HHIPL2: variants seen among roughly 807,000 people sequenced by gnomAD.
The protein encoded by HHIPL2 is HHIP-like protein 2.
HHIPL2 carries 61 observed loss-of-function variants against 61.0 expected under a neutral mutation model. The ratio of observed to expected loss-of-function variants is 1.00; its 90% confidence interval spans 0.81 to 1.24. The LOEUF (loss-of-function observed/expected upper bound fraction) is 1.24. HHIPL2 is among the 50% of genes most tolerant of loss of function. The pLI is 0.00. For missense variants in HHIPL2, 885 were observed against 910.2 expected (o/e 0.97, Z 0.36); for synonymous variants, 343 against 357.4 (o/e 0.96, Z 0.45).
At chr1:222,532,856 A>AC (rs397863900) in intron 5 of HHIPL2, among the ~76,000 whole-genome samples, 2 of 151,680 alleles carry the variant, frequency 1.3e-5, no homozygotes, top group African/African-American at 4.9e-5. Flanking sequence ...GGTTAAAAAA[A>AC]CTACTAACTG....
At chr1:222,546,177 C>T (rs1453402453) in intron 1 of HHIPL2, among the ~76,000 whole-genome samples, 1 of 152,198 alleles carries the variant, frequency 6.6e-6, no homozygotes, top group Non-Finnish European at 1.5e-5. Context: ...GTCTCTCTTC[C>T]AATGGAGCAT....
chr1:222,533,223 G>T (rs34130633), intron 5 of HHIPL2, among the ~76,000 whole-genome samples: 1 of 151,712 alleles, frequency 6.6e-6, no homozygotes, highest in South Asian at 2.1e-4. Flanking sequence ...AAATTAGCTG[G>T]GCGTGGTGTT....
At chr1:222,527,967 C>T (rs1328681061) in intron 6 of HHIPL2, among the ~76,000 whole-genome samples, 1 of 152,162 alleles carries the variant, frequency 6.6e-6, no homozygotes, top group Admixed American at 6.5e-5. Context: ...CAGTCTCAGT[C>T]TCAGGTATGT....
At chr1:222,523,772 A>T (rs574874426) in intron 7 of HHIPL2, 78 bp from the exon 8 acceptor site, 1 of 1,383,236 alleles carries the variant, frequency 7.2e-7, no homozygotes, top group East Asian at 2.3e-5. Flanking sequence ...CAGAGGGCGT[A>T]TATTTGCAAG....
At chr1:222,537,184 C>T (rs544584585) in intron 5 of HHIPL2, among the ~76,000 whole-genome samples, 115 of 152,014 alleles carry the variant, frequency 7.6e-4, no homozygotes, top group African/African-American at 2.7e-3. Flanking sequence ...CATGATTCAT[C>T]AAAAGATGAA....
chr1:222,525,829 T>C (rs1659051131), intron 7 of HHIPL2, among the ~76,000 whole-genome samples: 1 of 151,802 alleles, frequency 6.6e-6, no homozygotes. Context: ...CAAAACCCCG[T>C]CTCTACTGAA....
intron 3 of HHIPL2, 111 bp downstream of exon 3, chr1:222,541,901 G>T: frequency 9.0e-7 from 1 of 1,110,720 alleles, no homozygotes; most frequent in Non-Finnish European, 1.3e-6. Context: ...TGCCTCAGTG[G>T]AGTAGACTAC....
intron 8 of HHIPL2, 36 bp from the exon 9 acceptor site, chr1:222,522,923 G>C: frequency 6.4e-7 from 1 of 1,562,616 alleles, no homozygotes; most frequent in Non-Finnish European, 8.7e-7. Flanking sequence ...AAAAATATAA[G>C]TCCCAGAAAG....
intron 5 of HHIPL2, among the ~76,000 whole-genome samples, chr1:222,536,640 C>A (rs1057449283): frequency 1.3e-5 from 2 of 152,188 alleles, no homozygotes; most frequent in Non-Finnish European, 2.9e-5. Context: ...CCTGTTTACC[C>A]TGATTCCAAA....
intron 5 of HHIPL2, among the ~76,000 whole-genome samples, chr1:222,536,109 T>C (rs1290470288): frequency 2.0e-5 from 3 of 150,374 alleles, no homozygotes; most frequent in African/African-American, 7.4e-5. Flanking sequence ...GAAGAGCAAA[T>C]TAAATCCAAA....
At chr1:222,527,140 T>C in intron 6 of HHIPL2, 90 bp from the exon 7 acceptor site, 1 of 991,286 alleles carries the variant, frequency 1.0e-6, no homozygotes, top group Non-Finnish European at 1.5e-6. Flanking sequence ...CAAAAAGAGG[T>C]TATGGCCCTA....
Position 222,522,392 on chromosome 1 carries a change from G to A in HHIPL2, c.*209C>T, listed in dbSNP as rs1658970495. 1 of 601,606 alleles carries A rather than the reference G, an allele frequency of 1.7e-6. No homozygotes were observed. The highest frequency in any genetic ancestry group is 2.9e-6 in the Non-Finnish European group (1 of 340,204). 37.3% of individuals were successfully genotyped at this position (601,606 alleles called of 1,614,324 possible). ...TAACCCAGGTGCACCAGCAATCTGG[G>A]ATATGGTCTCCCACAGAAGCACTGC... On this transcript the variant is annotated 3_prime_UTR_variant, in exon 9 of 9. Transcript: ENST00000343410.
At chr1:222,545,884 A>T (rs775246278) in intron 1 of HHIPL2, among the ~76,000 whole-genome samples, 79 of 151,882 alleles carry the variant, frequency 5.2e-4, no homozygotes, top group Middle Eastern at 3.4e-3. Flanking sequence ...TAAAAAAATT[A>T]AAAAAATAAA....
intron 4 of HHIPL2, among the ~76,000 whole-genome samples, chr1:222,539,763 C>T (rs1046829864): frequency 6.6e-6 from 1 of 151,988 alleles, no homozygotes; most frequent in Non-Finnish European, 1.5e-5. Context: ...TCCAATCCAC[C>T]CAAAATTCAA....
At chr1:222,544,255 T>C in intron 1 of HHIPL2, 66 bp from the exon 2 acceptor site, 1 of 1,512,708 alleles carries the variant, frequency 6.6e-7, no homozygotes, top group South Asian at 1.3e-5. Context: ...TCTCAAGTTT[T>C]GAGCAAGCAG....
Position 222,522,275 on chromosome 1 carries a change from G to T in HHIPL2, c.*326C>A. 3.1e-6 allele frequency: 1 copy of T among 327,034 alleles called. No individual in the cohort carries two copies. Among genetic ancestry groups the T allele is most frequent in the Non-Finnish European group, 5.6e-6 (1 of 177,550 alleles). The allele number at this position is 327,034 out of a possible 1,614,324, so 20.3% of individuals were successfully genotyped here. A position where few individuals can be genotyped will look rare whatever the true frequency, so the allele number is the denominator to read the frequency against. On this transcript the variant is annotated 3_prime_UTR_variant, in exon 9 of 9. Coordinates refer to ENST00000343410, the MANE Select transcript of HHIPL2 (RefSeq NM_024746.4). Reference sequence around the variant, plus strand: ...AGGATATGTGCCAGTTTGAGCAAATGTTGATTTATTACCTCAGGTTGTAGG... The same window carrying T: ...AGGATATGTGCCAGTTTGAGCAAATTTTGATTTATTACCTCAGGTTGTAGG...
At chr1:222,523,523 T>A in intron 8 of HHIPL2, 89 bp downstream of exon 8, 1 of 1,224,236 alleles carries the variant, frequency 8.2e-7, no homozygotes, top group South Asian at 1.2e-5. Context: ...TAACTAAGAC[T>A]CCACCATGGG....
chr1:222,537,452 CAA>C (rs1019529128), intron 5 of HHIPL2, among the ~76,000 whole-genome samples: 3 of 139,090 alleles, frequency 2.2e-5, no homozygotes, highest in Non-Finnish European at 3.1e-5. Flanking sequence ...GGCTTCAATT[CAA>C]AAAAAAAAAG....
chr1:222,546,161 CA>C, intron 1 of HHIPL2, among the ~76,000 whole-genome samples: 1 of 152,344 alleles, frequency 6.6e-6, no homozygotes, highest in African/African-American at 2.4e-5. Flanking sequence ...GAGCGAAATG[CA>C]CAAAGTCTCT....
Sources: gnomAD v4.1 joint callset for allele counts (sites outside exome capture counted in the v4.1 genomes callset) on GRCh38, gnomAD v4.1.1 for gene constraint, MANE v1.5 for transcripts, NCBI Gene and HGNC (gene_info 2026-07-23, HGNC 2026-07-21) for gene names.